Variants in GNA12 observed in about 807,000 individuals in gnomAD.
GNA12 encodes G protein subunit alpha 12, also known as guanine nucleotide-binding protein subunit alpha-12.
In GNA12, 9 loss-of-function variants were observed where a neutral mutation model predicts 26.0. The ratio of observed to expected loss-of-function variants is 0.35; its 90% CI spans 0.21 to 0.60. The LOEUF is 0.60. Ranked by LOEUF, GNA12 falls within the 20% of genes least tolerant of loss-of-function variation. The probability of loss-of-function intolerance (pLI) is 0.78; values close to 1 mark genes in which losing one functional copy is unlikely to be tolerated. For missense variants in GNA12, 405 were observed against 525.8 expected (o/e 0.77, Z 2.25); for synonymous variants, 264 against 219.6 (o/e 1.20, Z -1.79).
chr7:2,738,889 A>T (rs1790350483), intron 2 of GNA12, among the ~76,000 whole-genome samples: 1 of 152,030 alleles, frequency 6.6e-6, no homozygotes, highest in Admixed American at 6.6e-5. Flanking sequence ...CTGGCCCCTG[A>T]CTCTGGCCAC....
intron 1 of GNA12, among the ~76,000 whole-genome samples, chr7:2,837,532 A>T (rs753765094): frequency 9.9e-5 from 15 of 152,254 alleles, no homozygotes; most frequent in Non-Finnish European, 1.9e-4. Context: ...GCCTGTGCCA[A>T]GACAAATCAT....
intron 1 of GNA12, among the ~76,000 whole-genome samples, chr7:2,828,429 C>CTGTA (rs1302289100): frequency 6.6e-6 from 1 of 152,226 alleles, no homozygotes; most frequent in Non-Finnish European, 1.5e-5. Context: ...TCCTAGCTTA[C>CTGTA]TGTAATCTTG....
intron 2 of GNA12, among the ~76,000 whole-genome samples, chr7:2,748,070 A>C (rs1157658195): frequency 6.6e-6 from 1 of 150,806 alleles, no homozygotes; most frequent in African/African-American, 2.5e-5. Context: ...ATATCATGAA[A>C]ATGGCCATAC....
intron 2 of GNA12, among the ~76,000 whole-genome samples, chr7:2,759,625 G>C (rs923756859): frequency 3.9e-5 from 6 of 152,234 alleles, no homozygotes; most frequent in Non-Finnish European, 7.3e-5. Context: ...TTTTTCATCT[G>C]AGTGGCAGGT....
rs1398431971 is a variant in GNA12, at chr7:2,728,193, T to A, written c.*2988A>T. ...AAATTTTCAAGCCAGACCCTCCCAA[T>A]GTTAATACACTGTGCAAAGCTTACA... is the stretch of plus-strand genomic sequence containing the variant. On this transcript the variant is annotated 3_prime_UTR_variant, in exon 4 of 4. Transcript: ENST00000275364. 1 of 152,336 alleles carries A rather than the reference T, an allele frequency of 6.6e-6. No homozygotes were observed. The highest frequency in any genetic ancestry group is 1.5e-5 in the Non-Finnish European group (1 of 68,048). 9.4% of individuals were successfully genotyped at this position (152,336 alleles called of 1,614,324 possible).
intron 2 of GNA12, among the ~76,000 whole-genome samples, chr7:2,741,534 T>C (rs1790503963): frequency 6.6e-6 from 1 of 152,138 alleles, no homozygotes; most frequent in Non-Finnish European, 1.5e-5. Context: ...TTCCAGCCTT[T>C]GTAGTAGCCA....
intron 2 of GNA12, among the ~76,000 whole-genome samples, chr7:2,747,428 C>T (rs149910235): frequency 0.031 from 4,684 of 152,256 alleles, 177 homozygotes; most frequent in African/African-American, 0.088. Context: ...AACCACATGA[C>T]TATCTCAGTA....
chr7:2,825,585 C>T (rs771461678), intron 1 of GNA12, among the ~76,000 whole-genome samples: 32 of 152,200 alleles, frequency 2.1e-4, no homozygotes, highest in Non-Finnish European at 3.4e-4. Flanking sequence ...GCGTTTGTGC[C>T]ATCATACAGC....
chr7:2,814,862 A>C (rs747372127), intron 1 of GNA12: 1 of 1,600,628 alleles, frequency 6.2e-7, no homozygotes, highest in Non-Finnish European at 8.5e-7. Flanking sequence ...GCTCCCCTCC[A>C]CAGCACTCAC....
At chr7:2,738,718 AATT>A (rs1562396042) in intron 2 of GNA12, among the ~76,000 whole-genome samples, 1 of 152,190 alleles carries the variant, frequency 6.6e-6, no homozygotes, top group Non-Finnish European at 1.5e-5. Flanking sequence ...ATTAAAAAAA[AATT>A]AAATAAAAAA....
At chr7:2,765,882 T>TC (rs1228427445) in intron 2 of GNA12, among the ~76,000 whole-genome samples, 661 of 121,984 alleles carry the variant, frequency 5.4e-3, no homozygotes, top group African/African-American at 0.018. Context: ...AGGGCCCCCC[T>TC]CCCCTCCCCC....
intron 2 of GNA12, chr7:2,762,448 A>C (rs1454635564): frequency 1.9e-6 from 1 of 526,232 alleles, no homozygotes; most frequent in Non-Finnish European, 3.3e-6. Context: ...ACGCTACTTA[A>C]CTCCAAAGTC....
At chr7:2,786,768 T>C (rs1256524851) in intron 2 of GNA12, among the ~76,000 whole-genome samples, 1 of 152,086 alleles carries the variant, frequency 6.6e-6, no homozygotes, top group Non-Finnish European at 1.5e-5. Flanking sequence ...GGGGCAGGTG[T>C]CTCTGAGCTG....
At chr7:2,835,119 T>C (rs1562450995) in intron 1 of GNA12, among the ~76,000 whole-genome samples, 2 of 152,210 alleles carry the variant, frequency 1.3e-5, no homozygotes, top group African/African-American at 4.8e-5. Context: ...TTTTATCCAC[T>C]TCTAACTGGA....
In GNA12 at chr7:2,731,495, C is replaced by T. The variant is rs200282933; in HGVS notation, c.832G>A (p.Glu278Lys). The change falls in exon 4 of 4, where the codon GAG (glutamate) becomes AAG (lysine). Residue 278 changes from glutamate (E) to lysine (K), a missense_variant. Transcript: ENST00000275364. The surrounding 1 kb of genome is among the most constrained non-coding windows in gnomAD (Gnocchi z 6.0). Reference protein sequence around the residue: ...NRLVESMNIFETIVNNKLFFN... With the variant: ...NRLVESMNIFKTIVNNKLFFN... ...AAGAGCTTGTTGTTGACGATGGTCT[C>T]GAAGATGTTCATGGACTCCACCAGC... 2 of 1,613,710 alleles carry T rather than the reference C, an allele frequency of 1.2e-6. No individual in the cohort carries two copies. Among genetic ancestry groups the T allele is most frequent in the Non-Finnish European group, 1.7e-6 (2 of 1,179,842 alleles).
At chr7:2,770,322 G>A (rs1791916688) in intron 2 of GNA12, among the ~76,000 whole-genome samples, 1 of 152,126 alleles carries the variant, frequency 6.6e-6, no homozygotes, top group Non-Finnish European at 1.5e-5. Flanking sequence ...TAAATTAAAT[G>A]ATCACACAAT....
intron 2 of GNA12, among the ~76,000 whole-genome samples, chr7:2,753,119 A>G (rs1466861631): frequency 6.6e-6 from 1 of 152,012 alleles, no homozygotes; most frequent in African/African-American, 2.4e-5. Flanking sequence ...TGCCTTTTCT[A>G]GAGTGTACTT....
intron 2 of GNA12, among the ~76,000 whole-genome samples, chr7:2,751,282 A>AG (rs1206520220): frequency 4.6e-5 from 7 of 151,214 alleles, no homozygotes; most frequent in Non-Finnish European, 1.0e-4. Flanking sequence ...GCTACTCAGC[A>AG]GGGGGAGCTG....
chr7:2,731,316 C>A lies in GNA12; in HGVS notation c.1011G>T (p.Arg337Ser). The change falls in exon 4 of 4, where the codon AGG becomes AGT. Residue 337 changes from arginine to serine, a missense_variant. By Grantham distance (110) the Arg-to-Ser change is moderately radical. Coordinates refer to ENST00000275364, the MANE Select transcript of GNA12 (RefSeq NM_007353.3). The surrounding 1 kb of genome is among the most constrained non-coding windows in gnomAD (Gnocchi z 6.0). Reference protein sequence around the residue: ...VQRYLVQCFDRKRRNRSKPLF... With the variant: ...VQRYLVQCFDSKRRNRSKPLF... ...GTGGCTTGCTGCGGTTCCGTCTCTT[C>A]CTGTCGAAGCACTGGACCAGGTAGC... is the stretch of plus-strand genomic sequence containing the variant. 2 of 1,613,926 alleles carry A rather than the reference C, an allele frequency of 1.2e-6. No homozygotes were observed. Among genetic ancestry groups the A allele is most frequent in the Non-Finnish European group, 1.7e-6 (2 of 1,179,974 alleles).
Sources: allele counts gnomAD v4.1 joint callset (sites outside exome capture counted in the v4.1 genomes callset), GRCh38; gene constraint gnomAD v4.1.1; non-coding constraint Gnocchi (gnomAD v3.1); transcripts MANE v1.5; gene names NCBI Gene and HGNC (gene_info 2026-07-23, HGNC 2026-07-21).